The following NOTCH2 variants were observed in gnomAD, a reference collection of about 807,000 sequenced individuals.
The protein encoded by NOTCH2 is neurogenic locus notch homolog protein 2.
NOTCH2 carries 29 observed loss-of-function variants against 235.8 expected under a neutral mutation model. That is an observed-to-expected ratio of 0.12 (90% CI 0.09 to 0.17). NOTCH2 has a LOEUF of 0.17. Among genes scored for constraint, NOTCH2 ranks in the 10% least tolerant of loss-of-function variants. The pLI is 1.00. For synonymous variants in NOTCH2, 1,086 were observed against 1,141.5 expected (o/e 0.95, Z 0.98); for missense variants, 2,285 against 3,150.2 (o/e 0.73, Z 6.57).
chr1:119,968,087 T>C lies in NOTCH2; in HGVS notation c.1254A>G (p.Glu418=). ...KGADCTEDVD[E]CAMANSNPCE... ...GTTCTGCTTACTCACCCATGGCACA[T>C]TCATCCACATCTTCTGTGCAGTCAG... Residue 418 remains glutamate, a synonymous_variant, in exon 7 of 34, where the codon GAA becomes GAG. Transcript: ENST00000256646. The C allele has an allele frequency of 6.2e-7, 1 of 1,614,082 alleles. No homozygotes were observed. The highest frequency in any genetic ancestry group is 1.3e-5 in the African/African-American group (1 of 75,048).
In NOTCH2 at chr1:119,916,119, A is replaced by G. The variant is rs759067317; in HGVS notation, c.6603T>C (p.Phe2201=). The G allele has an allele frequency of 6.2e-7, 1 of 1,614,146 alleles. No homozygotes were observed. The highest frequency in any genetic ancestry group is 1.1e-5 in the South Asian group (1 of 91,084). ...APVHAQHALS[F]SNLHEMQPLA... is the part of the protein sequence containing the mutation. ...AAGGCTGCATTTCATGAAGGTTAGA[A>G]AAAGATAGTGCATGCTGGGCATGGA... The change falls in exon 34 of 34, where the codon TTT becomes TTC. Residue 2201 remains phenylalanine, a synonymous_variant. Coordinates refer to ENST00000256646, the MANE Select transcript of NOTCH2 (RefSeq NM_024408.4).
At position 119,929,215 on chromosome 1, in the gene NOTCH2, G is replaced by A. The variant is rs1352789546; in HGVS notation, c.3656-3C>T. On this transcript the variant is annotated splice_polypyrimidine_tract_variant and splice_region_variant and intron_variant, in intron 22 of 33. Coordinates refer to ENST00000256646, the MANE Select transcript of NOTCH2 (RefSeq NM_024408.4). ...AATGTTCTCTTCACAGAGTAGGCCTGGAGGAAAGAGAAGAGGTACAGAATT... is the reference window on the plus strand; with the variant it reads ...AATGTTCTCTTCACAGAGTAGGCCTAGAGGAAAGAGAAGAGGTACAGAATT... 2.5e-6 allele frequency: 4 copies of A among 1,609,256 alleles called. No homozygotes were observed. Among genetic ancestry groups the A allele is most frequent in the Admixed American group, 1.7e-5 (1 of 60,002 alleles).
intron 22 of NOTCH2, among the ~76,000 whole-genome samples, chr1:119,931,166 G>A (rs1486912589): frequency 4.0e-5 from 6 of 148,954 alleles, no homozygotes; most frequent in South Asian, 2.1e-4. Context: ...CACTTGCATT[G>A]TAGCATACAC....
At chr1:120,053,761 G>A (rs1655049868) in intron 1 of NOTCH2, among the ~76,000 whole-genome samples, 1 of 128,154 alleles carries the variant, frequency 7.8e-6, no homozygotes, top group South Asian at 2.7e-4. Context: ...TTCCAAAGGA[G>A]GAATTACCAT....
chr1:119,979,857 C>A (rs1423704614), intron 5 of NOTCH2, among the ~76,000 whole-genome samples: 3 of 152,068 alleles, frequency 2.0e-5, no homozygotes, highest in Non-Finnish European at 4.4e-5. Flanking sequence ...AATTCCTCAT[C>A]TTCGAGAGAA....
In NOTCH2 at chr1:119,967,749, AT is replaced by A. The variant is rs369169784; in HGVS notation, c.1265-129del. The A allele has an allele frequency of 2.7e-3, 2,226 of 828,484 alleles. 7 individuals carry two copies. The highest frequency in any genetic ancestry group is 3.8e-3 in the Non-Finnish European group (1,948 of 511,146). 51.3% of individuals were successfully genotyped at this position (828,484 alleles called of 1,614,324 possible). On this transcript the variant is annotated intron_variant, in intron 7 of 33. Coordinates refer to ENST00000256646, the MANE Select transcript of NOTCH2 (RefSeq NM_024408.4). ...TCAATAATATCATTCCCAATTTTCTATTTTTTTTTCCTTAATTTAAAAAGAA... is the reference window on the plus strand; with the variant it reads ...TCAATAATATCATTCCCAATTTTCTATTTTTTTTCCTTAATTTAAAAAGAA...
intron 17 of NOTCH2, among the ~76,000 whole-genome samples, chr1:119,946,823 T>C (rs984791385): frequency 6.6e-6 from 1 of 151,974 alleles, no homozygotes; most frequent in African/African-American, 2.4e-5. Flanking sequence ...ACAATAATAC[T>C]AAAATAAATA....
chr1:120,017,937 G>A (rs1553208369), intron 2 of NOTCH2, among the ~76,000 whole-genome samples: 1 of 151,944 alleles, frequency 6.6e-6, no homozygotes, highest in South Asian at 2.1e-4. Flanking sequence ...CCTACAAAGT[G>A]GCCTCAATAG....
chr1:120,063,230 G>T (rs1655377237), intron 1 of NOTCH2, among the ~76,000 whole-genome samples: 1 of 152,044 alleles, frequency 6.6e-6, no homozygotes, highest in Non-Finnish European at 1.5e-5. Context: ...TATTTCATTT[G>T]CTGCAGCAGC....
chr1:119,979,652 G>A (rs1218467577), intron 5 of NOTCH2, among the ~76,000 whole-genome samples: 1 of 152,072 alleles, frequency 6.6e-6, no homozygotes, highest in African/African-American at 2.4e-5. Flanking sequence ...AATTGCACTG[G>A]TAGTTAACAC....
At chr1:119,935,154 CTGTGA>C in intron 22 of NOTCH2, 2 of 1,229,624 alleles carry the variant, frequency 1.6e-6, no homozygotes, top group Non-Finnish European at 2.0e-6. Context: ...AGTTGCTTTT[CTGTGA>C]AGCAACAAGA....
chr1:119,977,444 A>C (rs1553201094), intron 5 of NOTCH2, among the ~76,000 whole-genome samples: 1 of 152,160 alleles, frequency 6.6e-6, no homozygotes. Flanking sequence ...TAAGGTGTAC[A>C]ACTTCCTTCT....
chr1:119,949,178 A>G, intron 15 of NOTCH2, 52 bp from the exon 16 acceptor site: 1 of 1,603,816 alleles, frequency 6.2e-7, no homozygotes, highest in Non-Finnish European at 8.5e-7. Flanking sequence ...AGAAAACGAA[A>G]ATTTTCCTTA....
At chr1:119,966,896 C>T (rs1553199729) in intron 8 of NOTCH2, among the ~76,000 whole-genome samples, 1 of 152,164 alleles carries the variant, frequency 6.6e-6, no homozygotes, top group East Asian at 1.9e-4. Context: ...CCTTTCAAGG[C>T]TGGAGTGGCC....
At chr1:119,946,579 A>G (rs1279441861) in intron 17 of NOTCH2, among the ~76,000 whole-genome samples, 1 of 152,102 alleles carries the variant, frequency 6.6e-6, no homozygotes, top group East Asian at 1.9e-4. Context: ...ATGTCAACAG[A>G]TGTAGAGAAA....
Position 119,953,671 on chromosome 1 carries a change from T to C in NOTCH2, c.2237A>G (p.Asp746Gly). Residue 746 changes from aspartate (D) to glycine (G), a missense_variant, in exon 14 of 34, where the codon GAT becomes GGT. Asp to Gly is a moderately conservative substitution (Grantham distance 94). Around this residue, in one of 6 missense-constraint regions of NOTCH2, gnomAD observed 1,173 missense variants for 1,515.3 expected, o/e 0.77. Coordinates refer to ENST00000256646, the MANE Select transcript of NOTCH2 (RefSeq NM_024408.4). ...ACAGTTGATGCCAACCCAGCCTGCA[T>C]CACAGAGACACTTATATCTGAAAGA... The part of the protein sequence containing the change: ...GGLSGYKCLC[D>G]AGWVGINCEV... The C allele has an allele frequency of 6.2e-7, 1 of 1,614,180 alleles. No individual in the cohort carries two copies. Among genetic ancestry groups the C allele is most frequent in the South Asian group, 1.1e-5 (1 of 91,090 alleles).
chr1:119,962,744 A>G (rs1290825471), intron 11 of NOTCH2, among the ~76,000 whole-genome samples: 1 of 152,250 alleles, frequency 6.6e-6, no homozygotes, highest in Non-Finnish European at 1.5e-5. Flanking sequence ...ACAAAGGCAC[A>G]CATTGGTTAA....
chr1:119,918,628 G>A (rs1411912609), intron 31 of NOTCH2, 75 bp from the exon 32 acceptor site: 3 of 1,492,316 alleles, frequency 2.0e-6, no homozygotes, highest in African/African-American at 2.7e-5. Flanking sequence ...AAGAAACAAG[G>A]GCATCAGAGC....
At position 119,913,844 on chromosome 1, in the gene NOTCH2, G is replaced by A; in HGVS notation, c.*1462C>T. ...ATGGTAGCAGAAAATAGCAAAGGCT[G>A]CTATATAGTTCCTCCTTTTCCAACC... is the stretch of plus-strand genomic sequence containing the variant. On this transcript the variant is annotated 3_prime_UTR_variant, in exon 34 of 34. Transcript: ENST00000256646. 1 of 233,092 alleles carries A rather than the reference G, an allele frequency of 4.3e-6. No homozygotes were observed. Among genetic ancestry groups the A allele is most frequent in the Non-Finnish European group, 8.5e-6 (1 of 117,932 alleles). 14.4% of individuals were successfully genotyped at this position (233,092 alleles called of 1,614,324 possible).
Sources: gnomAD v4.1 joint callset for allele counts (sites outside exome capture counted in the v4.1 genomes callset) on GRCh38, gnomAD v4.1.1 for gene constraint, gnomAD v4.1.1 regional missense constraint, MANE v1.5 for transcripts, NCBI Gene and HGNC (gene_info 2026-07-23, HGNC 2026-07-21) for gene names.